Variants in KDM1B observed in about 807,000 individuals in gnomAD.
KDM1B encodes the protein lysine demethylase 1B, also known as lysine-specific histone demethylase 2.
Under a neutral mutation model 107.4 loss-of-function variants are expected in KDM1B, and 63 were observed. The ratio of observed to expected loss-of-function variants is 0.59; its 90% CI spans 0.48 to 0.72. The LOEUF is 0.72. Ranked by LOEUF, KDM1B falls within the 30% of genes least tolerant of loss-of-function variation. The probability of loss-of-function intolerance (pLI) is 0.00; values close to 1 mark genes in which losing one functional copy is unlikely to be tolerated. For synonymous variants in KDM1B, 363 were observed against 363.9 expected, an observed-to-expected ratio of 1.00 and a Z score of 0.03; for missense variants, 749 against 1,020.8, an observed-to-expected ratio of 0.73 and a Z score of 3.63.
At chr6:18,190,439 A>C (rs1482278040) in intron 9 of KDM1B, among the ~76,000 whole-genome samples, 1 of 150,402 alleles carries the variant, frequency 6.6e-6, no homozygotes, top group East Asian at 2.0e-4. Context: ...AAAAATACAA[A>C]AAAAAAAAAA....
chr6:18,175,228 C>G (rs1263459502), intron 7 of KDM1B, among the ~76,000 whole-genome samples: 2 of 152,172 alleles, frequency 1.3e-5, no homozygotes, highest in Non-Finnish European at 2.9e-5. Context: ...TTGCGTTTCC[C>G]CAATCGTTAG....
Position 18,200,491 on chromosome 6 carries a change from A to G in KDM1B, c.1274A>G (p.Lys425Arg). The G allele has an allele frequency of 6.2e-7, 1 of 1,614,124 alleles. No homozygotes were observed. ...ATTGGAGGCCGAGTCTGGGATGATAAATCTTTTAAAGGCGTCACAGTGGGA... is the reference window on the plus strand; with the variant it reads ...ATTGGAGGCCGAGTCTGGGATGATAGATCTTTTAAAGGCGTCACAGTGGGA... ...DRIGGRVWDD[K>R]SFKGVTVGRG... Residue 425 changes from lysine (K) to arginine (R), a missense_variant, in exon 13 of 22, where the codon AAA (lysine) becomes AGA (arginine). Lys to Arg is a conservative substitution (Grantham distance 26). Transcript: ENST00000650836. The surrounding 1 kb of genome is among the most constrained non-coding windows in gnomAD (Gnocchi z 4.3).
chr6:18,161,814 G>A lies in KDM1B; in HGVS notation c.215+360G>A, dbSNP rs79643263. ...AGACACCAGTGTTTGTTTACTTTTC[G>A]TTGTGTTTTTCTCTCTCATATAACA... On this transcript the variant is annotated intron_variant, in intron 4 of 21. Coordinates refer to ENST00000650836, the MANE Select transcript of KDM1B (RefSeq NM_001364614.2). Among the ~76,000 whole-genome samples, 1,255 of 152,106 alleles carry A rather than the reference G, an allele frequency of 8.3e-3. 20 individuals carry two copies. Among genetic ancestry groups the A allele is most frequent in the African/African-American group, 0.029 (1,192 of 41,496 alleles).
chr6:18,162,686 T>A lies in KDM1B; in HGVS notation c.216-149T>A, dbSNP rs879905492. On this transcript the variant is annotated intron_variant, in intron 4 of 21. Coordinates refer to ENST00000650836, the MANE Select transcript of KDM1B (RefSeq NM_001364614.2). This position sits in a 1 kb window ranked among gnomAD's most constrained non-coding sequence, Gnocchi z 4.1. ...CTTCCTGTGTGTTATTATCTACTAG[T>A]AATCCATTCCTGTTTCCCCTGTCCT... 7 of 598,734 alleles carry A rather than the reference T, an allele frequency of 1.2e-5. No individual in the cohort carries two copies. Among genetic ancestry groups the A allele is most frequent in the African/African-American group, 1.9e-5 (1 of 53,546 alleles). The allele number at this position is 598,734 out of a possible 1,614,324, so 37.1% of individuals were successfully genotyped here.
At chr6:18,160,804 C>CTT (rs200240519) in intron 3 of KDM1B, among the ~76,000 whole-genome samples, 15 of 133,382 alleles carry the variant, frequency 1.1e-4, no homozygotes, top group Non-Finnish European at 1.9e-4. Flanking sequence ...TGGGGAATGA[C>CTT]TTTTTTTTTT....
At chr6:18,196,195 A>G (rs1234270767) in intron 10 of KDM1B, among the ~76,000 whole-genome samples, 1 of 152,162 alleles carries the variant, frequency 6.6e-6, no homozygotes, top group African/African-American at 2.4e-5. Flanking sequence ...ATAGTATTCC[A>G]TTGTGTGGAT....
intron 7 of KDM1B, among the ~76,000 whole-genome samples, chr6:18,176,342 A>G (rs1432252482): frequency 6.6e-6 from 1 of 152,210 alleles, no homozygotes; most frequent in Admixed American, 6.5e-5. Flanking sequence ...TATCAGTTCT[A>G]GGAGCCTTCT....
chr6:18,177,682 T>G (rs962222804), intron 7 of KDM1B, among the ~76,000 whole-genome samples: 7 of 152,090 alleles, frequency 4.6e-5, no homozygotes, highest in African/African-American at 1.7e-4. Flanking sequence ...GTGCTGGGAT[T>G]ACAGGCGTTA....
At chr6:18,188,765 C>T (rs1476255600) in intron 9 of KDM1B, among the ~76,000 whole-genome samples, 1 of 148,942 alleles carries the variant, frequency 6.7e-6, no homozygotes, top group Admixed American at 6.8e-5. Flanking sequence ...AAGCACGTGC[C>T]ACTACAGCTG....
At chr6:18,193,406 A>G (rs1438287761) in intron 10 of KDM1B, among the ~76,000 whole-genome samples, 1 of 144,150 alleles carries the variant, frequency 6.9e-6, no homozygotes, top group Non-Finnish European at 1.5e-5. Context: ...TCCCAGTCTC[A>G]GGTGATTCTC....
At chr6:18,217,910 A>G (rs748137827) in intron 21 of KDM1B, 25 bp downstream of exon 21, 3 of 1,597,220 alleles carry the variant, frequency 1.9e-6, no homozygotes, top group South Asian at 1.1e-5. Flanking sequence ...TCCAAACCCA[A>G]TTATTTGTAT....
chr6:18,179,849 CCTT>C (rs1302518618), intron 7 of KDM1B, among the ~76,000 whole-genome samples: 1,721 of 96,246 alleles, frequency 0.018, 578 homozygotes, highest in African/African-American at 0.057. Context: ...GGTTTTTTTT[CCTT>C]TTTTTTTTTT....
intron 17 of KDM1B, among the ~76,000 whole-genome samples, chr6:18,210,551 G>T (rs1212450300): frequency 1.3e-5 from 2 of 151,362 alleles, no homozygotes; most frequent in African/African-American, 4.9e-5. Flanking sequence ...TGTAGAGACA[G>T]TGTTTCCCTA....
chr6:18,157,027 C>CT (rs1283408251), intron 2 of KDM1B, among the ~76,000 whole-genome samples: 4 of 152,152 alleles, frequency 2.6e-5, no homozygotes, highest in Non-Finnish European at 5.9e-5. Flanking sequence ...AAAAATCCCA[C>CT]TTTTTTATCA....
At position 18,168,476 on chromosome 6, in the gene KDM1B, A is replaced by G. The variant is rs375129191; in HGVS notation, c.417+2098A>G. ...TTATGGGTGAATAATACTCCATTGA[A>G]TGGATATGCCACAGTTTTTTTAAGC... On this transcript the variant is annotated intron_variant, in intron 6 of 21. Coordinates refer to ENST00000650836, the MANE Select transcript of KDM1B (RefSeq NM_001364614.2). Among the ~76,000 whole-genome samples the G allele has an allele frequency of 1.9e-4, 29 of 152,346 alleles. No individual in the cohort carries two copies. In the South Asian group the frequency reaches 6.0e-3, roughly 32 times the overall value.
intron 10 of KDM1B, among the ~76,000 whole-genome samples, chr6:18,193,675 G>T (rs953036106): frequency 1.3e-5 from 2 of 152,046 alleles, no homozygotes; most frequent in African/African-American, 4.8e-5. Flanking sequence ...AGCCAGTGTT[G>T]TATGTGTTAT....
intron 21 of KDM1B, among the ~76,000 whole-genome samples, chr6:18,220,244 C>A (rs1244594291): frequency 6.6e-6 from 1 of 152,192 alleles, no homozygotes; most frequent in East Asian, 1.9e-4. Flanking sequence ...AATATAGTTA[C>A]CGTTTTTGTT....
intron 7 of KDM1B, among the ~76,000 whole-genome samples, chr6:18,184,993 A>G (rs1786758265): frequency 6.6e-6 from 1 of 151,350 alleles, no homozygotes; most frequent in Admixed American, 6.6e-5. Context: ...ACCTCCCAAA[A>G]TGCTGGGATT....
intron 20 of KDM1B, among the ~76,000 whole-genome samples, chr6:18,215,977 T>C (rs214583): frequency 0.16 from 24,930 of 152,176 alleles, 2,443 homozygotes; most frequent in South Asian, 0.29. Context: ...CCATGGCTTA[T>C]ATCTTTTTGA....
Sources: gnomAD v4.1 joint callset for allele counts (sites outside exome capture counted in the v4.1 genomes callset) on GRCh38, gnomAD v4.1.1 for gene constraint, Gnocchi (gnomAD v3.1) non-coding constraint, MANE v1.5 for transcripts, NCBI Gene and HGNC (gene_info 2026-07-23, HGNC 2026-07-21) for gene names.